Variants in RIMS1 observed in about 807,000 individuals in gnomAD.
The protein encoded by RIMS1 is regulating synaptic membrane exocytosis 1.
A neutral mutation model predicts 214.1 loss-of-function variants in RIMS1; 83 were observed. The ratio of observed to expected loss-of-function variants is 0.39; its 90% CI spans 0.32 to 0.47. RIMS1 has a LOEUF of 0.47. Ranked by LOEUF, RIMS1 falls within the 20% of genes least tolerant of loss-of-function variation. The pLI is 0.99. For missense variants in RIMS1, 2,050 were observed against 2,161.8 expected (o/e 0.95, Z 1.03); for synonymous variants, 793 against 786.8 (o/e 1.01, Z -0.13).
chr6:72,005,517 A>G (rs931696335), intron 2 of RIMS1, among the ~76,000 whole-genome samples: 3 of 152,196 alleles, frequency 2.0e-5, no homozygotes, highest in African/African-American at 7.2e-5. Context: ...GAAACAGGTT[A>G]CTTATTTTAG....
intron 2 of RIMS1, among the ~76,000 whole-genome samples, chr6:71,972,761 A>C (rs1796171250): frequency 6.6e-6 from 1 of 152,200 alleles, no homozygotes; most frequent in Non-Finnish European, 1.5e-5. Context: ...TTTCTTCTCA[A>C]GTTGGGGGAG....
At chr6:71,913,337 AG>A (rs1460692082) in intron 1 of RIMS1, among the ~76,000 whole-genome samples, 1 of 152,172 alleles carries the variant, frequency 6.6e-6, no homozygotes, top group African/African-American at 2.4e-5. Flanking sequence ...AGGGGCTTGA[AG>A]GGACGGTTAC....
At chr6:72,227,136 G>T (rs1326001891) in intron 6 of RIMS1, among the ~76,000 whole-genome samples, 2 of 151,924 alleles carry the variant, frequency 1.3e-5, no homozygotes. Context: ...ATATGAATAT[G>T]ATTATAAATA....
intron 4 of RIMS1, among the ~76,000 whole-genome samples, chr6:72,125,415 T>A (rs2039306397): frequency 6.6e-6 from 1 of 152,202 alleles, no homozygotes; most frequent in Non-Finnish European, 1.5e-5. Flanking sequence ...CTGGCAGGTG[T>A]CTCCCAGTTA....
rs1314731610 is a variant in RIMS1 at position 72,156,033 on chromosome 6, A to G, written c.472-23542A>G. On this transcript the variant is annotated intron_variant, in intron 4 of 33. Transcript: ENST00000521978. ...ACCCTGTTGGTAGGAATGTAAATTG[A>G]CATAGCCACTATGGAAAACAGTATG... The G allele has an allele frequency of 5.9e-6, 2 of 340,868 alleles. 1 individual carries two copies. Among genetic ancestry groups the G allele is most frequent in the African/African-American group, 4.2e-5 (2 of 47,458 alleles). 21.1% of individuals were successfully genotyped at this position (340,868 alleles called of 1,614,324 possible).
chr6:72,182,636 C>A lies in RIMS1; in HGVS notation c.1165C>A (p.Arg389Ser), dbSNP rs1273267974. The A allele has an allele frequency of 6.5e-7, 1 of 1,541,666 alleles. No individual in the cohort carries two copies. Among genetic ancestry groups the A allele is most frequent in the African/African-American group, 1.4e-5 (1 of 72,590 alleles). ...GGTGTCCCGCGCCAGGCACGAGCGG[C>A]GCCACAGCGACGTGGCGCTCCCGCG... is the stretch of plus-strand genomic sequence containing the variant. ...ARVSRARHERRHSDVALPRTE... is the reference protein window; with the variant it reads ...ARVSRARHERSHSDVALPRTE... The change falls in exon 6 of 34, where the codon CGC becomes AGC. Residue 389 changes from arginine (R) to serine (S), a missense_variant. Physicochemically the swap from Arg to Ser is moderately radical, Grantham distance 110 (BLOSUM62 -1). Transcript: ENST00000521978.
Position 72,252,841 on chromosome 6 carries a change from G to A in RIMS1, c.2770+9G>A. ...TGGCGTAGTTCCTCCAGGTGCGTGG[G>A]TGAGGAGCATGACCCTGCTTCACTG... On this transcript the variant is annotated intron_variant, in intron 16 of 33. Coordinates refer to ENST00000521978, the MANE Select transcript of RIMS1 (RefSeq NM_014989.7). 1.3e-6 allele frequency: 2 copies of A among 1,550,098 alleles called. No individual in the cohort carries two copies. The highest frequency in any genetic ancestry group is 1.7e-6 in the Non-Finnish European group (2 of 1,144,754).
intron 29 of RIMS1, among the ~76,000 whole-genome samples, chr6:72,371,656 G>A (rs1266458052): frequency 6.6e-6 from 1 of 152,158 alleles, no homozygotes; most frequent in Admixed American, 6.5e-5. Flanking sequence ...AATGTAGTTT[G>A]TTAGGTCACG....
chr6:71,981,244 TTTA>T (rs1798402780), intron 2 of RIMS1, among the ~76,000 whole-genome samples: 1 of 152,116 alleles, frequency 6.6e-6, no homozygotes, highest in South Asian at 2.1e-4. Context: ...CTCATGAAAC[TTTA>T]TAAAGTATTG....
intron 1 of RIMS1, among the ~76,000 whole-genome samples, chr6:71,900,199 A>G (rs1313458976): frequency 6.6e-6 from 1 of 152,052 alleles, no homozygotes; most frequent in Non-Finnish European, 1.5e-5. Flanking sequence ...AGTACCCTCT[A>G]GAAGTAAAGA....
chr6:72,225,485 T>G (rs1746587293), intron 6 of RIMS1, among the ~76,000 whole-genome samples: 1 of 152,226 alleles, frequency 6.6e-6, no homozygotes, highest in African/African-American at 2.4e-5. Flanking sequence ...TGCCTGGGTC[T>G]GGATAAGGAC....
At chr6:72,151,336 C>G (rs2043552509) in intron 4 of RIMS1, among the ~76,000 whole-genome samples, 1 of 152,182 alleles carries the variant, frequency 6.6e-6, no homozygotes. Context: ...GCCACTGTAC[C>G]CGGCCCATAT....
chr6:72,016,695 C>G (rs983395837), intron 2 of RIMS1, among the ~76,000 whole-genome samples: 2 of 151,996 alleles, frequency 1.3e-5, no homozygotes, highest in African/African-American at 4.8e-5. Flanking sequence ...ATTTTTTATT[C>G]TAGAAGTGCT....
chr6:72,257,194 A>G (rs1234178965), intron 16 of RIMS1, among the ~76,000 whole-genome samples: 1 of 83,536 alleles, frequency 1.2e-5, no homozygotes, highest in Non-Finnish European at 2.1e-5. Context: ...AGTTGTAAAT[A>G]TAGTTTTTTT....
At chr6:71,984,697 G>A (rs1246657754) in intron 2 of RIMS1, among the ~76,000 whole-genome samples, 3 of 151,948 alleles carry the variant, frequency 2.0e-5, no homozygotes. Flanking sequence ...TGTAAGTTGA[G>A]TCCTGTAAGT....
chr6:72,179,399 G>C (rs936227046), intron 4 of RIMS1, 176 bp from the exon 5 acceptor site: 2 of 674,078 alleles, frequency 3.0e-6, no homozygotes, highest in Admixed American at 2.2e-5. Context: ...ACAAGTCCCT[G>C]TCTAGGCATT....
intron 2 of RIMS1, among the ~76,000 whole-genome samples, chr6:72,095,860 A>T (rs539093334): frequency 6.6e-6 from 1 of 152,290 alleles, no homozygotes; most frequent in East Asian, 1.9e-4. Context: ...AAATCCAAAA[A>T]ACTAGCTCAG....
At chr6:71,919,759 T>C (rs1779465356) in intron 1 of RIMS1, among the ~76,000 whole-genome samples, 2 of 152,150 alleles carry the variant, frequency 1.3e-5, no homozygotes, top group Non-Finnish European at 2.9e-5. Context: ...ACTGTAATGT[T>C]ACTGAATCCA....
At chr6:71,953,338 G>A (rs1012450562) in intron 1 of RIMS1, among the ~76,000 whole-genome samples, 1 of 152,110 alleles carries the variant, frequency 6.6e-6, no homozygotes, top group Non-Finnish European at 1.5e-5. Flanking sequence ...ACATCCCATT[G>A]TCCAAGGCAA....
Sources: gnomAD v4.1 joint callset for allele counts (sites outside exome capture counted in the v4.1 genomes callset) on GRCh38, gnomAD v4.1.1 for gene constraint, MANE v1.5 for transcripts, NCBI Gene and HGNC (gene_info 2026-07-23, HGNC 2026-07-21) for gene names.